Variants in ERICH6B observed in about 807,000 individuals in gnomAD.
The protein encoded by ERICH6B is glutamate-rich protein 6B.
Under a neutral mutation model 80.0 loss-of-function variants are expected in ERICH6B, and 69 were observed. That is an observed-to-expected ratio of 0.86 (90% CI 0.71 to 1.05). ERICH6B has a LOEUF of 1.05. ERICH6B is among the 50% of genes least tolerant of loss of function. The probability of loss-of-function intolerance (pLI) is 0.00; values close to 1 mark genes in which losing one functional copy is unlikely to be tolerated. For missense variants in ERICH6B, 754 were observed against 796.1 expected, an observed-to-expected ratio of 0.95 and a Z score of 0.64; for synonymous variants, 283 against 291.9, an observed-to-expected ratio of 0.97 and a Z score of 0.31.
chr13:45,585,554 TA>T (rs1279026783), intron 5 of ERICH6B, among the ~76,000 whole-genome samples: 1 of 152,178 alleles, frequency 6.6e-6, no homozygotes, highest in Admixed American at 6.5e-5. Context: ...ATCTTTGTTC[TA>T]ATGACCATCC....
intron 2 of ERICH6B, among the ~76,000 whole-genome samples, chr13:45,606,157 A>G (rs1008289570): frequency 5.9e-5 from 9 of 152,360 alleles, no homozygotes; most frequent in Middle Eastern, 6.8e-3. Flanking sequence ...CCTACTTGCT[A>G]AAATGAAATT....
intron 5 of ERICH6B, among the ~76,000 whole-genome samples, chr13:45,584,277 G>A (rs374815857): frequency 3.9e-4 from 60 of 152,268 alleles, no homozygotes; most frequent in Middle Eastern, 6.8e-3. Flanking sequence ...GCTCCAGAGC[G>A]TCTTCTCATA....
At chr13:45,566,991 C>T (rs552558175) in intron 9 of ERICH6B, among the ~76,000 whole-genome samples, 31 of 152,342 alleles carry the variant, frequency 2.0e-4, no homozygotes, top group East Asian at 1.5e-3. Flanking sequence ...ACCATGGGAA[C>T]GCACCTCTTG....
chr13:45,609,641 T>C (rs1317805125), intron 1 of ERICH6B, among the ~76,000 whole-genome samples: 1 of 152,198 alleles, frequency 6.6e-6, no homozygotes, highest in African/African-American at 2.4e-5. Flanking sequence ...TTGACAAAAT[T>C]AGTAACTGAG....
Position 45,596,947 on chromosome 13 carries a change from G to GTGTGGAATAT in ERICH6B, c.58_59insATATTCCACA (p.Pro20HisfsTer19), listed in dbSNP as rs1876422124. 6.4e-7 allele frequency: 1 copy of GTGTGGAATAT among 1,551,752 alleles called. No homozygotes were observed. On this transcript the variant is annotated frameshift_variant, in exon 3 of 15. Coordinates refer to ENST00000298738, the MANE Select transcript of ERICH6B (RefSeq NM_182542.3). LOFTEE classifies it high-confidence loss of function. ...AGGCAAGTTCTGTGTGGAATATTGG[G>GTGTGGAATAT]GAGTTGTGGGAGGGTGAGGAGGTGA...
intron 5 of ERICH6B, among the ~76,000 whole-genome samples, chr13:45,583,794 C>T (rs1360492571): frequency 6.6e-6 from 1 of 152,180 alleles, no homozygotes; most frequent in Non-Finnish European, 1.5e-5. Flanking sequence ...TCCCTTCTGC[C>T]ATGATTGTGA....
At chr13:45,591,579 G>A (rs1853499931) in intron 3 of ERICH6B, among the ~76,000 whole-genome samples, 1 of 152,184 alleles carries the variant, frequency 6.6e-6, no homozygotes, top group Non-Finnish European at 1.5e-5. Context: ...CTGGGCGACA[G>A]AGCAAGACTC....
At chr13:45,569,864 G>A (rs1265101141) in intron 8 of ERICH6B, among the ~76,000 whole-genome samples, 1 of 152,180 alleles carries the variant, frequency 6.6e-6, no homozygotes, top group African/African-American at 2.4e-5. Flanking sequence ...GACAGGTTGA[G>A]GTGAAGGCCT....
rs539323442 is a variant in ERICH6B at position 45,541,599 on chromosome 13, G to A, written c.1954C>T (p.Arg652Trp). The A allele has an allele frequency of 9.0e-6, 14 of 1,551,710 alleles. No homozygotes were observed. The highest frequency in any genetic ancestry group is 2.4e-5 in the South Asian group (2 of 84,050). The change falls in exon 15 of 15, where the codon CGG (arginine) becomes TGG (tryptophan). Residue 652 changes from arginine to tryptophan, a missense_variant. Transcript: ENST00000298738. The stretch of plus-strand genomic sequence containing the variant: ...CTATTCATTTTCCCCAGAAGGACCC[G>A]GATCTTCTGGGCTGTTGGGCCGGGT... ...AEPGPTAQKI[R>W]VLLGKMNRLL... is the part of the protein sequence containing the mutation.
At position 45,561,464 on chromosome 13, in the gene ERICH6B, T is replaced by G. The variant is rs1874675476; in HGVS notation, c.1312A>C (p.Lys438Gln). Residue 438 changes from lysine (K) to glutamine (Q), a missense_variant, in exon 11 of 15, where the codon AAG (lysine) becomes CAG (glutamine). Coordinates refer to ENST00000298738, the MANE Select transcript of ERICH6B (RefSeq NM_182542.3). The stretch of plus-strand genomic sequence containing the variant: ...TTTTGGATTTCTTCTGTCTCAGGCT[T>G]CTCAGGTGTTGGTTTGCTCATTAAA... Reference protein sequence around the residue: ...FHLMSKPTPEKPETEEIQKPQ... With the variant: ...FHLMSKPTPEQPETEEIQKPQ... 6.4e-7 allele frequency: 1 copy of G among 1,552,172 alleles called. No homozygotes were observed. Among genetic ancestry groups the G allele is most frequent in the Non-Finnish European group, 8.7e-7 (1 of 1,147,096 alleles).
intron 5 of ERICH6B, among the ~76,000 whole-genome samples, chr13:45,583,270 T>A (rs1875748901): frequency 6.6e-6 from 1 of 152,216 alleles, no homozygotes; most frequent in East Asian, 1.9e-4. Context: ...CTGTCTGTCT[T>A]GACTTTTTTT....
rs1873927378 is a variant in ERICH6B, at chr13:45,544,825, T to C, written c.1807A>G (p.Lys603Glu). 3.2e-6 allele frequency: 5 copies of C among 1,551,610 alleles called. No homozygotes were observed. In the South Asian group the frequency reaches 4.8e-5, roughly 15 times the overall value. ...TCATAGGTGAAGCAGAAGATGATCT[T>C]ATCCTGGCTCCTTATTTGTACCTGG... Reference protein sequence around the residue: ...YIQVQIRSQDKIIFCFTYEQK... With the variant: ...YIQVQIRSQDEIIFCFTYEQK... The change falls in exon 14 of 15, where the codon AAG becomes GAG. Residue 603 changes from lysine (K) to glutamate (E), a missense_variant. By Grantham distance (56) the Lys-to-Glu change is moderately conservative (BLOSUM62 1). Coordinates refer to ENST00000298738, the MANE Select transcript of ERICH6B (RefSeq NM_182542.3).
At chr13:45,547,319 C>T (rs1444272927) in intron 13 of ERICH6B, among the ~76,000 whole-genome samples, 3 of 152,184 alleles carry the variant, frequency 2.0e-5, no homozygotes, top group Non-Finnish European at 2.9e-5. Context: ...AGCTTTTAAC[C>T]TTTTAAATGG....
chr13:45,545,081 C>T, intron 13 of ERICH6B, 96 bp from the exon 14 acceptor site: 1 of 1,044,754 alleles, frequency 9.6e-7, no homozygotes, highest in Non-Finnish European at 1.4e-6. Context: ...CTACTTGGCA[C>T]AGAAAGACTG....
chr13:45,609,635 C>A (rs1949888544), intron 1 of ERICH6B, among the ~76,000 whole-genome samples: 1 of 152,148 alleles, frequency 6.6e-6, no homozygotes, highest in Non-Finnish European at 1.5e-5. Flanking sequence ...AAATAATTGA[C>A]AAAATTAGTA....
intron 11 of ERICH6B, chr13:45,553,170 G>T: frequency 3.9e-6 from 1 of 258,384 alleles, no homozygotes; most frequent in South Asian, 4.1e-5. Context: ...CACCGTTTTT[G>T]ACACATGAGT....
chr13:45,586,772 C>T (rs911209626), intron 5 of ERICH6B, among the ~76,000 whole-genome samples: 20 of 151,920 alleles, frequency 1.3e-4, no homozygotes, highest in African/African-American at 1.9e-4. Context: ...AATAGGAAGA[C>T]GAATGAAAAA....
chr13:45,565,270 A>G (rs1267736769), intron 9 of ERICH6B, among the ~76,000 whole-genome samples: 2 of 152,044 alleles, frequency 1.3e-5, no homozygotes, highest in African/African-American at 4.8e-5. Flanking sequence ...GACTTTTGTG[A>G]ACACCTGAAC....
intron 1 of ERICH6B, among the ~76,000 whole-genome samples, chr13:45,610,513 A>G (rs1273953848): frequency 1.3e-5 from 2 of 152,158 alleles, no homozygotes; most frequent in Admixed American, 6.5e-5. Context: ...CTGCAGTGCC[A>G]TGGTCTCTGT....
Sources: gnomAD v4.1 joint callset for allele counts (sites outside exome capture counted in the v4.1 genomes callset) on GRCh38, gnomAD v4.1.1 for gene constraint, MANE v1.5 for transcripts, NCBI Gene and HGNC (gene_info 2026-07-23, HGNC 2026-07-21) for gene names.